Variants in DAB1 observed in about 807,000 individuals in gnomAD.
DAB1 encodes DAB adaptor protein 1.
Under a neutral mutation model 64.6 loss-of-function variants are expected in DAB1, and 15 were observed. That is an observed-to-expected ratio of 0.23 (90% CI 0.16 to 0.36). DAB1 has a LOEUF of 0.36. Ranked by LOEUF, DAB1 falls within the 10% of genes least tolerant of loss-of-function variation. The pLI is 1.00. For synonymous variants in DAB1, 235 were observed against 251.9 expected, an observed-to-expected ratio of 0.93 and a Z score of 0.64; for missense variants, 596 against 706.7, an observed-to-expected ratio of 0.84 and a Z score of 1.78.
chr1:57,673,499 G>A (rs1365938625), intron 6 of DAB1, among the ~76,000 whole-genome samples: 1 of 152,066 alleles, frequency 6.6e-6, no homozygotes, highest in Non-Finnish European at 1.5e-5. Context: ...ATATTAGGAG[G>A]AATCCAGGTG....
At chr1:57,258,784 A>T (rs1185394177) in intron 2 of DAB1, among the ~76,000 whole-genome samples, 1 of 152,032 alleles carries the variant, frequency 6.6e-6, no homozygotes, top group African/African-American at 2.4e-5. Context: ...TCTTAAATAG[A>T]TGGGAGTGGG....
intron 1 of DAB1, among the ~76,000 whole-genome samples, chr1:57,845,595 GGGGGAT>G (rs761486263): frequency 1.3e-5 from 2 of 152,144 alleles, no homozygotes; most frequent in Non-Finnish European, 2.9e-5. Flanking sequence ...TCTGTATAAT[GGGGGAT>G]AATAAGCTTC....
At chr1:57,209,884 G>A (rs1665868225) in intron 2 of DAB1, among the ~76,000 whole-genome samples, 1 of 152,062 alleles carries the variant, frequency 6.6e-6, no homozygotes, top group South Asian at 2.1e-4. Context: ...ACTGTAATAG[G>A]AACATAATGA....
intron 2 of DAB1, among the ~76,000 whole-genome samples, chr1:58,516,396 C>T (rs998396185): frequency 6.6e-6 from 1 of 152,120 alleles, no homozygotes; most frequent in Non-Finnish European, 1.5e-5. Context: ...AATATTCATA[C>T]CCCAAAAGAT....
rs192491312 is a variant in DAB1 at position 57,765,932 on chromosome 1, G to A, written n.552-116267C>T. On this transcript the variant is annotated intron_variant and non_coding_transcript_variant, in intron 6 of 20. Transcript: ENST00000485760. Reference sequence around the variant, plus strand: ...AGGCGTGAGCCACTATGCCCGGCCAGTACTCCTTCTTAGTCTCATTTGCAG... The same window carrying A: ...AGGCGTGAGCCACTATGCCCGGCCAATACTCCTTCTTAGTCTCATTTGCAG... 1.4e-3 allele frequency among the ~76,000 whole-genome samples: 216 copies of A among 152,064 alleles called. 1 individual carries two copies. The highest frequency in any genetic ancestry group is 5.0e-3 in the African/African-American group (206 of 41,518).
At chr1:58,328,318 T>A (rs1244392945) in intron 4 of DAB1, among the ~76,000 whole-genome samples, 1 of 152,242 alleles carries the variant, frequency 6.6e-6, no homozygotes, top group Non-Finnish European at 1.5e-5. Flanking sequence ...AAAGCAGCCC[T>A]GCTTCTCCAA....
At chr1:57,299,260 T>C (rs1673440855) in intron 1 of DAB1, among the ~76,000 whole-genome samples, 1 of 152,210 alleles carries the variant, frequency 6.6e-6, no homozygotes, top group African/African-American at 2.4e-5. Flanking sequence ...AAACTAATCT[T>C]TTTTATCAGT....
intron 7 of DAB1, among the ~76,000 whole-genome samples, chr1:57,644,467 C>A (rs1035465407): frequency 3.9e-5 from 6 of 152,102 alleles, no homozygotes; most frequent in African/African-American, 1.4e-4. Flanking sequence ...AAAGCTCATG[C>A]CTGTCTGAAT....
intron 7 of DAB1, among the ~76,000 whole-genome samples, chr1:57,493,606 A>G (rs1644192500): frequency 6.6e-6 from 1 of 152,172 alleles, no homozygotes; most frequent in Admixed American, 6.5e-5. Flanking sequence ...TGGTGTATGG[A>G]TGGAGCTGTG....
At chr1:57,799,819 T>G (rs1235355294) in intron 6 of DAB1, among the ~76,000 whole-genome samples, 1 of 152,200 alleles carries the variant, frequency 6.6e-6, no homozygotes, top group Non-Finnish European at 1.5e-5. Flanking sequence ...AAGCAAACTT[T>G]ATTGGAACAC....
At chr1:57,720,480 G>A (rs1482752928) in intron 6 of DAB1, among the ~76,000 whole-genome samples, 1 of 152,186 alleles carries the variant, frequency 6.6e-6, no homozygotes, top group African/African-American at 2.4e-5. Flanking sequence ...TTTAATTCCG[G>A]CATGAAGATA....
intron 5 of DAB1, among the ~76,000 whole-genome samples, chr1:58,142,246 T>C (rs2100717059): frequency 6.6e-6 from 1 of 152,342 alleles, no homozygotes; most frequent in Admixed American, 6.5e-5. Context: ...TCGGCTGCCT[T>C]GGTCTCTCAG....
At chr1:57,316,031 C>T (rs994255740) in intron 1 of DAB1, among the ~76,000 whole-genome samples, 9 of 152,146 alleles carry the variant, frequency 5.9e-5, no homozygotes, top group African/African-American at 1.9e-4. Flanking sequence ...ATTTAAAGAT[C>T]GGAAAACTGT....
chr1:57,162,203 C>G (rs545680721), intron 2 of DAB1, among the ~76,000 whole-genome samples: 8 of 152,294 alleles, frequency 5.3e-5, no homozygotes, highest in African/African-American at 1.7e-4. Context: ...AGTGTGGGCT[C>G]AAAATAGACA....
intron 5 of DAB1, among the ~76,000 whole-genome samples, chr1:57,928,156 A>G (rs1288106100): frequency 6.6e-6 from 1 of 152,224 alleles, no homozygotes; most frequent in African/African-American, 2.4e-5. Context: ...ATATACATAC[A>G]GCACTTGCAC....
intron 7 of DAB1, among the ~76,000 whole-genome samples, chr1:57,633,787 G>A (rs865826122): frequency 5.9e-5 from 9 of 152,194 alleles, no homozygotes; most frequent in Middle Eastern, 6.8e-3. Context: ...GGAGAGAGCC[G>A]GAGTGAAACA....
At chr1:58,338,991 G>T (rs1039160782) in intron 4 of DAB1, among the ~76,000 whole-genome samples, 2 of 152,134 alleles carry the variant, frequency 1.3e-5, no homozygotes, top group African/African-American at 4.8e-5. Flanking sequence ...ATTGATGGCT[G>T]TCAGGTTCAA....
intron 5 of DAB1, chr1:58,047,920 T>G (rs558173676): frequency 2.8e-5 from 11 of 390,654 alleles, no homozygotes; most frequent in Non-Finnish European, 4.7e-5. Context: ...AAAAAAAATC[T>G]ACATTAAAAC....
At chr1:57,311,763 T>C (rs1176021417) in intron 1 of DAB1, among the ~76,000 whole-genome samples, 1 of 152,186 alleles carries the variant, frequency 6.6e-6, no homozygotes, top group Non-Finnish European at 1.5e-5. Flanking sequence ...ACACCTTAAC[T>C]CAAACCAATA....
Sources: gnomAD v4.1 joint callset for allele counts (sites outside exome capture counted in the v4.1 genomes callset) on GRCh38, gnomAD v4.1.1 for gene constraint, MANE v1.5 for transcripts, NCBI Gene and HGNC (gene_info 2026-07-23, HGNC 2026-07-21) for gene names.